Variants in LINC00632 observed in about 807,000 individuals in gnomAD.
LINC00632 encodes long independently transcribed non-coding RNA 632.
intron 2 of LINC00632, chrX:140,711,728 A>G (rs1194112244): frequency 5.5e-6 from 1 of 180,585 alleles, no homozygotes; most frequent in Non-Finnish European, 1.2e-5. Flanking sequence ...TGGTATAAAC[A>G]TTATTTTCCA....
rs192495235 is a variant in LINC00632 at position 140,722,964 on chromosome X, G to A, written n.105-10914G>A. 1.9e-4 allele frequency among the ~76,000 whole-genome samples: 20 copies of A among 107,052 alleles called. No individual in the cohort carries two copies. The East Asian group carries it at 4.8e-3, about 26-fold the overall frequency. The allele number at this position is 107,052 out of a possible 115,157, so 93.0% of individuals were successfully genotyped here. Reference sequence around the variant, plus strand: ...CTCGGGAGGCTGAGGCAGGAGAATCGCTTGAACCCGGGAGGCAGAGGTTGC... The same window carrying A: ...CTCGGGAGGCTGAGGCAGGAGAATCACTTGAACCCGGGAGGCAGAGGTTGC... On this transcript the variant is annotated intron_variant and non_coding_transcript_variant, in intron 2 of 4. Transcript: ENST00000648200.
chrX:140,737,842 G>A (rs1931166902), intron 3 of LINC00632, among the ~76,000 whole-genome samples: 1 of 111,857 alleles, frequency 8.9e-6, no homozygotes, highest in Admixed American at 9.6e-5. Flanking sequence ...TGGTTTATAT[G>A]TACCACGTTT....
chrX:140,725,169 C>T (rs1930924276), intron 2 of LINC00632, among the ~76,000 whole-genome samples: 1 of 62,081 alleles, frequency 1.6e-5, no homozygotes, highest in Non-Finnish European at 3.1e-5. Flanking sequence ...ACATTCCATA[C>T]ACATACACAG....
chrX:140,740,272 G>A (rs1029033667), intron 3 of LINC00632, among the ~76,000 whole-genome samples: 5 of 111,822 alleles, frequency 4.5e-5, no homozygotes, highest in African/African-American at 6.5e-5. Flanking sequence ...AGTTCTCCTC[G>A]TCAAGGCTTA....
At position 140,776,298 on chromosome X, in the gene LINC00632, C is replaced by T. The variant is rs912848295; in HGVS notation, n.4317C>T. Among the ~76,000 whole-genome samples the T allele has an allele frequency of 8.0e-5, 9 of 112,813 alleles. 1 individual carries two copies. The highest frequency in any genetic ancestry group is 4.6e-4 in the Admixed American group (5 of 10,784). ...TCGGCCAGAAAGGCAGCCACCCCCT[C>T]GCCCATCATGCATAACACGTTCGTG... On this transcript the variant is annotated non_coding_transcript_exon_variant, in exon 5 of 5. Transcript: ENST00000648200.
chrX:140,725,368 G>C (rs1306857978), intron 2 of LINC00632, among the ~76,000 whole-genome samples: 2 of 36,400 alleles, frequency 5.5e-5, no homozygotes, highest in African/African-American at 2.1e-4. Flanking sequence ...CACACACACA[G>C]ACTAATTCCA....
rs140079440 is a variant in LINC00632 at position 140,743,622 on chromosome X, T to C, written n.191+9658T>C. Among the ~76,000 whole-genome samples, 126 of 111,711 alleles carry C rather than the reference T, an allele frequency of 1.1e-3. 8 individuals carry two copies. In the East Asian group the frequency reaches 0.023, roughly 21 times the overall value. ...ATACAGTTATAAGACATTAAAATAT[T>C]TGCACAGAGAAAGCAAGAAAATCTT... On this transcript the variant is annotated intron_variant and non_coding_transcript_variant, in intron 3 of 4. Coordinates refer to ENST00000648200, the Ensembl canonical transcript of LINC00632.
At chrX:140,715,369 C>T (rs1301253544) in intron 2 of LINC00632, among the ~76,000 whole-genome samples, 2 of 111,224 alleles carry the variant, frequency 1.8e-5, no homozygotes, top group East Asian at 2.8e-4. Flanking sequence ...CCGAGGCGGG[C>T]GGATCACAAG....
At chrX:140,751,854 G>C (rs1441266177) in intron 3 of LINC00632, among the ~76,000 whole-genome samples, 2 of 111,493 alleles carry the variant, frequency 1.8e-5, no homozygotes, top group Non-Finnish European at 3.8e-5. Context: ...CCACCCTACA[G>C]GCCTCCTTAT....
At chrX:140,765,380 G>C (rs977881204) in intron 3 of LINC00632, among the ~76,000 whole-genome samples, 11 of 111,846 alleles carry the variant, frequency 9.8e-5, no homozygotes, top group African/African-American at 3.6e-4. Context: ...GCAAAGCTTT[G>C]CATTGGAACC....
At chrX:140,724,261 A>C (rs1467063785) in intron 2 of LINC00632, among the ~76,000 whole-genome samples, 2 of 67,337 alleles carry the variant, frequency 3.0e-5, no homozygotes, top group Admixed American at 1.7e-4. Flanking sequence ...ACATACACAG[A>C]CACATTCTGT....
At chrX:140,737,007 C>T (rs1324190594) in intron 3 of LINC00632, among the ~76,000 whole-genome samples, 1 of 104,490 alleles carries the variant, frequency 9.6e-6, no homozygotes, top group Non-Finnish European at 1.9e-5. Context: ...TCAAGTGAGT[C>T]TCGTGCCTCA....
chrX:140,732,161 G>T (rs1931068855), intron 2 of LINC00632, among the ~76,000 whole-genome samples: 1 of 111,018 alleles, frequency 9.0e-6, no homozygotes, highest in African/African-American at 3.3e-5. Context: ...CCGAGATCGA[G>T]CCATTGCACT....
At chrX:140,789,068 A>G (rs1464887651) in exon 5 of LINC00632, among the ~76,000 whole-genome samples, 1 of 108,673 alleles carries the variant, frequency 9.2e-6, no homozygotes, top group Admixed American at 1.0e-4. Context: ...AGAGATAGCC[A>G]TGACTCTTTG....
intron 3 of LINC00632, among the ~76,000 whole-genome samples, chrX:140,738,342 C>G (rs755870601): frequency 8.9e-6 from 1 of 111,900 alleles, no homozygotes; most frequent in Admixed American, 9.5e-5. Flanking sequence ...AGTGTGAAGA[C>G]CACCGTTCTA....
chrX:140,753,247 A>G (rs1404682905), intron 3 of LINC00632, among the ~76,000 whole-genome samples: 1 of 112,198 alleles, frequency 8.9e-6, no homozygotes, highest in African/African-American at 3.2e-5. Flanking sequence ...TATGCTACTA[A>G]TTATCAGTAT....
chrX:140,774,781 A>G (rs1202702747), exon 5 of LINC00632, among the ~76,000 whole-genome samples: 1 of 111,374 alleles, frequency 9.0e-6, no homozygotes, highest in African/African-American at 3.3e-5. Flanking sequence ...CTAGGCTTTC[A>G]TAATACTCAT....
At chrX:140,768,040 T>C (rs1190711156) in intron 3 of LINC00632, among the ~76,000 whole-genome samples, 1 of 111,570 alleles carries the variant, frequency 9.0e-6, no homozygotes, top group Non-Finnish European at 1.9e-5. Flanking sequence ...CGCAGCTCCA[T>C]GACAGAATTT....
exon 5 of LINC00632, chrX:140,783,392 T>C: frequency 2.2e-6 from 1 of 461,594 alleles, no homozygotes; most frequent in Non-Finnish European, 3.7e-6. Flanking sequence ...CTTCCAGCAA[T>C]TACTGGTCTT....
Sources: allele counts gnomAD v4.1 joint callset (sites outside exome capture counted in the v4.1 genomes callset), GRCh38; gene constraint gnomAD v4.1.1; transcripts MANE v1.5; gene names NCBI Gene and HGNC (gene_info 2026-07-23, HGNC 2026-07-21).